DAB1: variants seen among roughly 807,000 people sequenced by gnomAD.
The protein encoded by DAB1 is DAB adaptor protein 1, also known as disabled homolog 1.
In DAB1, 15 loss-of-function variants were observed where a neutral mutation model predicts 64.6. That is an observed-to-expected ratio of 0.23 (90% confidence interval 0.16 to 0.36). DAB1 has a LOEUF of 0.36. DAB1 is among the 10% of genes least tolerant of loss of function. The pLI is 1.00. For missense variants in DAB1, 596 were observed against 706.7 expected, an observed-to-expected ratio of 0.84 and a Z score of 1.78; for synonymous variants, 235 against 251.9, an observed-to-expected ratio of 0.93 and a Z score of 0.64.
chr1:57,257,330 T>A (rs1283110248), intron 2 of DAB1, among the ~76,000 whole-genome samples: 1 of 152,180 alleles, frequency 6.6e-6, no homozygotes, highest in Non-Finnish European at 1.5e-5. Context: ...TCTCCAAAAG[T>A]GTGCTCTGTT....
intron 2 of DAB1, among the ~76,000 whole-genome samples, chr1:58,526,508 G>A (rs1245412574): frequency 6.7e-6 from 1 of 148,466 alleles, no homozygotes; most frequent in Non-Finnish European, 1.5e-5. Context: ...TATCACAGGT[G>A]ATTAAAAATA....
chr1:57,809,587 A>G (rs1425718583), intron 6 of DAB1, among the ~76,000 whole-genome samples: 2 of 152,212 alleles, frequency 1.3e-5, no homozygotes, highest in South Asian at 2.1e-4. Context: ...AATCCGAGAA[A>G]CCTGTCATTT....
chr1:58,005,880 A>G (rs1252903297), intron 5 of DAB1, among the ~76,000 whole-genome samples: 1 of 152,158 alleles, frequency 6.6e-6, no homozygotes, highest in Non-Finnish European at 1.5e-5. Flanking sequence ...GGCAGGTACA[A>G]TTATTGTTCC....
At chr1:57,149,749 A>G (rs1385662996) in intron 2 of DAB1, among the ~76,000 whole-genome samples, 2 of 152,146 alleles carry the variant, frequency 1.3e-5, no homozygotes, top group African/African-American at 4.8e-5. Context: ...GGGGCTTCCT[A>G]TGACCTACCT....
intron 1 of DAB1, chr1:58,534,011 A>G (rs960161327): frequency 1.1e-6 from 1 of 871,700 alleles, no homozygotes; most frequent in African/African-American, 1.6e-5. Flanking sequence ...AAGTTGATGA[A>G]TATCGGTTAC....
chr1:57,293,691 T>C (rs768785106), intron 1 of DAB1, among the ~76,000 whole-genome samples: 8 of 152,176 alleles, frequency 5.3e-5, no homozygotes, highest in Non-Finnish European at 8.8e-5. Flanking sequence ...ATCATGTTGG[T>C]CTTGGACACA....
At chr1:58,001,194 C>T (rs1344541462) in intron 5 of DAB1, among the ~76,000 whole-genome samples, 7 of 151,974 alleles carry the variant, frequency 4.6e-5, no homozygotes, top group African/African-American at 1.7e-4. Context: ...CATCTCTCTC[C>T]TCCCTACTTT....
chr1:58,255,240 A>G (rs931418173), intron 4 of DAB1, among the ~76,000 whole-genome samples: 3 of 149,260 alleles, frequency 2.0e-5, no homozygotes, highest in Non-Finnish European at 4.4e-5. Context: ...CCACTTTTTG[A>G]TGGGGTTGTT....
intron 6 of DAB1, among the ~76,000 whole-genome samples, chr1:57,775,314 A>T (rs886921297): frequency 2.6e-5 from 4 of 151,380 alleles, no homozygotes; most frequent in Admixed American, 2.6e-4. Flanking sequence ...GTTAGAGTTT[A>T]ATTTGCTGTT....
intron 7 of DAB1, among the ~76,000 whole-genome samples, chr1:57,561,335 C>G (rs1052362642): frequency 6.6e-6 from 1 of 152,160 alleles, no homozygotes; most frequent in South Asian, 2.1e-4. Context: ...TCCCAGTGGG[C>G]AGAACTTTGA....
chr1:57,544,132 A>T (rs1003599955), intron 7 of DAB1, among the ~76,000 whole-genome samples: 2 of 152,174 alleles, frequency 1.3e-5, no homozygotes, highest in Non-Finnish European at 2.9e-5. Context: ...AATAAAAAGA[A>T]CAAATATGTA....
At chr1:58,073,201 C>A (rs1649380623) in intron 5 of DAB1, among the ~76,000 whole-genome samples, 1 of 152,166 alleles carries the variant, frequency 6.6e-6, no homozygotes, top group South Asian at 2.1e-4. Context: ...CTGCGTTAGC[C>A]AAATAACCAT....
At chr1:58,123,760 C>T (rs1290892404) in intron 5 of DAB1, among the ~76,000 whole-genome samples, 1 of 152,152 alleles carries the variant, frequency 6.6e-6, no homozygotes, top group African/African-American at 2.4e-5. Context: ...TGTTATGTCT[C>T]TTCTGGCTCT....
chr1:57,760,601 T>TTC (rs140338730), intron 6 of DAB1, among the ~76,000 whole-genome samples: 171 of 105,392 alleles, frequency 1.6e-3, no homozygotes, highest in African/African-American at 4.5e-3. Context: ...CTCAACTTCT[T>TTC]TCTCTCTCTC....
intron 1 of DAB1, among the ~76,000 whole-genome samples, chr1:58,527,580 T>A (rs1646372322): frequency 6.6e-6 from 1 of 152,178 alleles, no homozygotes; most frequent in Admixed American, 6.5e-5. Flanking sequence ...CAGTCTGTAG[T>A]ATAAGGAATT....
At chr1:58,061,745 A>G (rs1648515718) in intron 5 of DAB1, among the ~76,000 whole-genome samples, 1 of 148,732 alleles carries the variant, frequency 6.7e-6, no homozygotes, top group Admixed American at 6.7e-5. Flanking sequence ...AGTGAGGGTA[A>G]TAAAGGCTGA....
intron 7 of DAB1, among the ~76,000 whole-genome samples, chr1:57,603,422 T>C (rs1570665210): frequency 6.6e-6 from 1 of 152,352 alleles, no homozygotes; most frequent in South Asian, 2.1e-4. Flanking sequence ...TTAAACTCAG[T>C]GCCTTCTATC....
chr1:57,233,358 G>C (rs1667844108), intron 2 of DAB1, among the ~76,000 whole-genome samples: 2 of 136,334 alleles, frequency 1.5e-5, no homozygotes, highest in African/African-American at 2.7e-5. Context: ...CGCCTCCCGG[G>C]TTCACGCCAT....
intron 1 of DAB1, among the ~76,000 whole-genome samples, chr1:58,541,293 CAAAAAAAAAAAAAAAAAAAAAAAAAAAA>C (rs71043292): frequency 0.23 from 6,498 of 27,654 alleles, 332 homozygotes; most frequent in South Asian, 0.34. Flanking sequence ...GACTCTGTCT[CAAAAAAAAAAAAAAAAAAAAAAAAAAAA>C]AAAAAAAAAA....
Sources: allele counts gnomAD v4.1 joint callset (sites outside exome capture counted in the v4.1 genomes callset), GRCh38; gene constraint gnomAD v4.1.1; transcripts MANE v1.5; gene names NCBI Gene and HGNC (gene_info 2026-07-23, HGNC 2026-07-21).